The following NWD2 variants were observed in gnomAD, a reference collection of about 807,000 sequenced individuals.
The protein encoded by NWD2 is NACHT and WD repeat domain containing 2.
A neutral mutation model predicts 132.7 loss-of-function variants in NWD2; 37 were observed. The ratio of observed to expected loss-of-function variants is 0.28; its 90% CI spans 0.21 to 0.37. The LOEUF (loss-of-function observed/expected upper bound fraction) is 0.37. Among genes scored for constraint, NWD2 ranks in the 10% least tolerant of loss-of-function variants. The pLI, the probability that NWD2 is intolerant of heterozygous loss-of-function variation, is 1.00. For synonymous variants in NWD2, 705 were observed against 803.0 expected (o/e 0.88, Z 2.06); for missense variants, 1,592 against 2,122.4 (o/e 0.75, Z 4.91).
At chr4:37,273,218 A>T (rs1717911232) in intron 1 of NWD2, among the ~76,000 whole-genome samples, 1 of 151,820 alleles carries the variant, frequency 6.6e-6, no homozygotes, top group South Asian at 2.1e-4. Context: ...TCATTATGTC[A>T]TTCCACAGCC....
intron 2 of NWD2, among the ~76,000 whole-genome samples, chr4:37,354,681 A>T (rs1327220077): frequency 1.3e-5 from 2 of 152,210 alleles, no homozygotes; most frequent in Non-Finnish European, 2.9e-5. Flanking sequence ...TGAGGGAGAC[A>T]CTTCCTCAGC....
chr4:37,396,535 C>G (rs1269025578), intron 3 of NWD2, among the ~76,000 whole-genome samples: 1 of 152,182 alleles, frequency 6.6e-6, no homozygotes, highest in Non-Finnish European at 1.5e-5. Flanking sequence ...TTTTCAAATC[C>G]TCCAAAGCTC....
At chr4:37,253,765 C>T (rs1449220071) in intron 1 of NWD2, among the ~76,000 whole-genome samples, 1 of 152,096 alleles carries the variant, frequency 6.6e-6, no homozygotes, top group African/African-American at 2.4e-5. Flanking sequence ...TTTAAAGCCA[C>T]TAAGTTTTGA....
intron 3 of NWD2, among the ~76,000 whole-genome samples, chr4:37,407,174 A>G (rs1368867525): frequency 2.0e-5 from 3 of 152,196 alleles, no homozygotes; most frequent in Non-Finnish European, 2.9e-5. Flanking sequence ...ACCATGGCAC[A>G]TGTATACCTA....
chr4:37,269,413 A>T (rs1717823937), intron 1 of NWD2, among the ~76,000 whole-genome samples: 1 of 151,886 alleles, frequency 6.6e-6, no homozygotes, highest in African/African-American at 2.4e-5. Context: ...TATACAATGA[A>T]ATGCATCTTA....
chr4:37,266,574 C>T (rs542688900), intron 1 of NWD2, among the ~76,000 whole-genome samples: 2 of 152,126 alleles, frequency 1.3e-5, no homozygotes, highest in South Asian at 4.1e-4. Flanking sequence ...AGACCAATCA[C>T]TGTGGTGAGA....
Position 37,337,724 on chromosome 4 carries a change from T to C in NWD2, c.240+11700T>C, listed in dbSNP as rs17603733. ...GTATAACCTTCTCCTTAAGCTGCCT[T>C]CTGTACATGAGTAATCTTTGCATCA... is the stretch of plus-strand genomic sequence containing the variant. On this transcript the variant is annotated intron_variant, in intron 2 of 6. Transcript: ENST00000309447. Among the ~76,000 whole-genome samples the C allele has an allele frequency of 2.4e-3, 367 of 152,326 alleles. 1 individual carries two copies. The highest frequency in any genetic ancestry group is 0.022 in the East Asian group (112 of 5,182).
chr4:37,374,533 A>T (rs145234363), intron 3 of NWD2, among the ~76,000 whole-genome samples: 52 of 152,354 alleles, frequency 3.4e-4, no homozygotes, highest in African/African-American at 1.2e-3. Context: ...CTTGGTATGC[A>T]GAAAGATATG....
At chr4:37,414,748 C>T (rs182971260) in intron 3 of NWD2, among the ~76,000 whole-genome samples, 19 of 152,298 alleles carry the variant, frequency 1.2e-4, no homozygotes, top group Admixed American at 1.1e-3. Flanking sequence ...ATTGGATCAA[C>T]ACATTATACA....
intron 1 of NWD2, among the ~76,000 whole-genome samples, chr4:37,294,048 G>A (rs1267789945): frequency 1.3e-5 from 2 of 152,100 alleles, no homozygotes; most frequent in Non-Finnish European, 2.9e-5. Flanking sequence ...ACAAATCACA[G>A]GAAGTCCCCA....
rs1217688177 is a variant in NWD2 at position 37,433,929 on chromosome 4, T to C, written c.615T>C (p.Asp205=). 1 of 1,548,654 alleles carries C rather than the reference T, an allele frequency of 6.5e-7. No individual in the cohort carries two copies. The highest frequency in any genetic ancestry group is 1.4e-5 in the African/African-American group (1 of 73,108). ...ENEKTWQEIS[D]EIKKIFKAAV... ...AGAAGACATGGCAAGAGATATCAGA[T>C]GAGATCAAGAAGATATTTAAGGCTG... The change falls in exon 5 of 7, where the codon GAT becomes GAC. Residue 205 remains aspartate (D), a synonymous_variant. Transcript: ENST00000309447.
At chr4:37,369,060 T>TGA (rs897329923) in intron 3 of NWD2, among the ~76,000 whole-genome samples, 39 of 152,184 alleles carry the variant, frequency 2.6e-4, no homozygotes, top group Admixed American at 2.2e-3. Flanking sequence ...GGGAGAAGGA[T>TGA]GAGTCTAAGT....
intron 1 of NWD2, among the ~76,000 whole-genome samples, chr4:37,255,868 C>T (rs16993379): frequency 0.014 from 2,082 of 152,184 alleles, 41 homozygotes; most frequent in African/African-American, 0.047. Context: ...GAGAGTGGGA[C>T]CAGCCACCAC....
Position 37,300,335 on chromosome 4 carries a change from G to A in NWD2, c.152-25601G>A, listed in dbSNP as rs1186583053. Among the ~76,000 whole-genome samples the A allele has an allele frequency of 2.6e-5, 4 of 152,114 alleles. No individual in the cohort carries two copies. The East Asian group carries it at 5.8e-4, about 22-fold the overall frequency. On this transcript the variant is annotated intron_variant, in intron 1 of 6. Transcript: ENST00000309447. ...GTAGCAATCAATAAATTTTAACGTG[G>A]CAAGCCCTTGTTAAGAACTGTGTAA...
At position 37,340,540 on chromosome 4, in the gene NWD2, T is replaced by C. The variant is rs1048564145; in HGVS notation, c.240+14516T>C. ...CAGTTGTAAACAACAGTGACCAGGG[T>C]GGTGCTTGCAGCCCAGGAAATACAG... On this transcript the variant is annotated intron_variant, in intron 2 of 6. Transcript: ENST00000309447. 6.0e-4 allele frequency among the ~76,000 whole-genome samples: 92 copies of C among 152,162 alleles called. 1 individual carries two copies. The highest frequency in any genetic ancestry group is 3.4e-3 in the Middle Eastern group (1 of 292).
chr4:37,312,799 G>A (rs570806244), intron 1 of NWD2, among the ~76,000 whole-genome samples: 1 of 151,122 alleles, frequency 6.6e-6, no homozygotes. Flanking sequence ...TTTGAGATAT[G>A]TTCCATCAAT....
chr4:37,432,392 T>A (rs1040430020), intron 4 of NWD2, among the ~76,000 whole-genome samples: 1 of 150,832 alleles, frequency 6.6e-6, no homozygotes, highest in African/African-American at 2.4e-5. Context: ...ATCAAGAAAA[T>A]TGATCACGTG....
At chr4:37,348,458 AC>A (rs1477291053) in intron 2 of NWD2, among the ~76,000 whole-genome samples, 2 of 150,038 alleles carry the variant, frequency 1.3e-5, no homozygotes, top group Non-Finnish European at 3.0e-5. Context: ...AGGCCCTACC[AC>A]CCTTGGGGAC....
intron 3 of NWD2, among the ~76,000 whole-genome samples, chr4:37,429,869 G>A (rs1365521609): frequency 6.6e-6 from 1 of 152,134 alleles, no homozygotes; most frequent in Non-Finnish European, 1.5e-5. Flanking sequence ...AAGTTATATA[G>A]ATTTTTAGGG....
Sources: gnomAD v4.1 joint callset for allele counts (sites outside exome capture counted in the v4.1 genomes callset) on GRCh38, gnomAD v4.1.1 for gene constraint, MANE v1.5 for transcripts, NCBI Gene and HGNC (gene_info 2026-07-23, HGNC 2026-07-21) for gene names.